PAK5: variants seen among roughly 807,000 people sequenced by gnomAD.
PAK5 encodes serine/threonine-protein kinase PAK 5.
Under a neutral mutation model 65.9 loss-of-function variants are expected in PAK5, and 16 were observed. The ratio of observed to expected loss-of-function variants is 0.24; its 90% CI spans 0.16 to 0.37. PAK5 has a LOEUF of 0.37. PAK5 is among the 10% of genes least tolerant of loss of function. The pLI is 1.00. For synonymous variants in PAK5, 371 were observed against 354.9 expected, an observed-to-expected ratio of 1.05 and a Z score of -0.51; for missense variants, 785 against 903.9, an observed-to-expected ratio of 0.87 and a Z score of 1.69.
chr20:9,819,309 G>A (rs1468590973), intron 1 of PAK5, among the ~76,000 whole-genome samples: 2 of 152,150 alleles, frequency 1.3e-5, no homozygotes, highest in Non-Finnish European at 2.9e-5. Flanking sequence ...AGAAGCAGCA[G>A]TACAATGGCA....
rs770117085 is a variant in PAK5, at chr20:9,557,717, A to G, written c.1634T>C (p.Ile545Thr). Reference sequence around the variant, plus strand: ...CAGAACTGACAGGCAGACAGTAGCTATCTGTTCTTCATTCATTCTGGAAAG... The same window carrying G: ...CAGAACTGACAGGCAGACAGTAGCTGTCTGTTCTTCATTCATTCTGGAAAG... Reference protein sequence around the residue: ...VTHTRMNEEQIATVCLSVLRA... With the variant: ...VTHTRMNEEQTATVCLSVLRA... Residue 545 changes from isoleucine (I) to threonine (T), a missense_variant, in exon 7 of 10, where the codon ATA becomes ACA. Transcript: ENST00000353224. The G allele has an allele frequency of 1.2e-6, 2 of 1,611,106 alleles. No homozygotes were observed. Among genetic ancestry groups the G allele is most frequent in the Admixed American group, 3.3e-5 (2 of 59,944 alleles).
chr20:9,543,334 G>A (rs1482452958), intron 8 of PAK5, among the ~76,000 whole-genome samples: 1 of 152,048 alleles, frequency 6.6e-6, no homozygotes, highest in Non-Finnish European at 1.5e-5. Flanking sequence ...GTAAAGAATG[G>A]GAAGTCGAGA....
chr20:9,831,068 G>A (rs371279359), intron 1 of PAK5, among the ~76,000 whole-genome samples: 10 of 152,308 alleles, frequency 6.6e-5, no homozygotes, highest in African/African-American at 1.9e-4. Context: ...GGGTGTGGGG[G>A]AAGAACCCCA....
In PAK5 at chr20:9,539,082, TTC is replaced by T; in HGVS notation, c.*378_*379del. ...AGAAAAAAGTGCTTTTTGTTTTCCT[TTC>T]TTTCTTTTTTTTTTTTTTTTGCCAG... On this transcript the variant is annotated 3_prime_UTR_variant, in exon 10 of 10. Transcript: ENST00000353224. The T allele has an allele frequency of 4.4e-6, 1 of 225,638 alleles. No individual in the cohort carries two copies. Among genetic ancestry groups the T allele is most frequent in the Non-Finnish European group, 8.4e-6 (1 of 119,372 alleles). 14.0% of individuals were successfully genotyped at this position (225,638 alleles called of 1,614,324 possible). A position where few individuals can be genotyped will look rare whatever the true frequency, so the allele number is the denominator to read the frequency against.
chr20:9,607,773 A>G (rs6140984), intron 3 of PAK5, among the ~76,000 whole-genome samples: 1 of 152,046 alleles, frequency 6.6e-6, no homozygotes, highest in African/African-American at 2.4e-5. Context: ...CTACAGTGAG[A>G]TATGATCTTC....
chr20:9,549,537 ATATTTTAAAAACAGG>A (rs1199203109), intron 7 of PAK5, among the ~76,000 whole-genome samples: 6 of 152,148 alleles, frequency 3.9e-5, no homozygotes, highest in Admixed American at 1.3e-4. Flanking sequence ...AAATCTTGCA[ATATTTTAAAAACAGG>A]TGTAGACATG....
intron 1 of PAK5, among the ~76,000 whole-genome samples, chr20:9,788,942 C>G (rs2049021483): frequency 6.6e-6 from 1 of 152,136 alleles, no homozygotes; most frequent in South Asian, 2.1e-4. Context: ...CACACTAAGG[C>G]TATGCAGGTG....
At chr20:9,602,982 C>A (rs1424309420) in intron 3 of PAK5, among the ~76,000 whole-genome samples, 1 of 152,212 alleles carries the variant, frequency 6.6e-6, no homozygotes, top group East Asian at 1.9e-4. Flanking sequence ...ATGGTTTAGA[C>A]AGAGGTGGCT....
rs776208185 is a variant in PAK5 at position 9,557,646 on chromosome 20, T to C, written c.1705A>G (p.Ile569Val). The C allele has an allele frequency of 4.3e-6, 7 of 1,612,478 alleles. No individual in the cohort carries two copies. The East Asian group carries it at 6.7e-5, about 15-fold the overall frequency. Residue 569 changes from isoleucine (I) to valine (V), a missense_variant, in exon 7 of 10, where the codon ATA becomes GTA. Ile to Val is a conservative substitution (Grantham distance 29). Coordinates refer to ENST00000353224, the MANE Select transcript of PAK5 (RefSeq NM_177990.4). ...LHNQGVIHRDIKSDSILLTSD... is the reference protein window; with the variant it reads ...LHNQGVIHRDVKSDSILLTSD... ...GTCAGGAGGATGGAGTCACTTTTTA[T>C]GTCCCTGTGAATCACTCCTTGGTTA...
At chr20:9,640,136 A>T (rs1301396314) in intron 3 of PAK5, among the ~76,000 whole-genome samples, 2 of 151,618 alleles carry the variant, frequency 1.3e-5, no homozygotes, top group East Asian at 1.9e-4. Context: ...TACATGTGCC[A>T]TGTTGGTGTG....
intron 3 of PAK5, among the ~76,000 whole-genome samples, chr20:9,581,634 G>A (rs548446523): frequency 3.3e-5 from 5 of 152,094 alleles, no homozygotes; most frequent in South Asian, 2.1e-4. Flanking sequence ...TAACATCACC[G>A]CTGAATTTTG....
chr20:9,757,976 T>C (rs2048654880), intron 1 of PAK5, among the ~76,000 whole-genome samples: 1 of 152,112 alleles, frequency 6.6e-6, no homozygotes, highest in South Asian at 2.1e-4. Context: ...CAAAAGTAAA[T>C]ATGGATGTTT....
At chr20:9,699,510 T>A (rs1825249903) in intron 2 of PAK5, among the ~76,000 whole-genome samples, 1 of 150,066 alleles carries the variant, frequency 6.7e-6, no homozygotes, top group South Asian at 2.1e-4. Context: ...GAAAAAAAAA[T>A]ATTAAGCTTA....
chr20:9,641,961 T>C (rs2047073645), intron 3 of PAK5, among the ~76,000 whole-genome samples: 4 of 152,134 alleles, frequency 2.6e-5, no homozygotes, highest in South Asian at 2.1e-4. Flanking sequence ...GGTTCCCACT[T>C]GTGCCTCTCC....
chr20:9,538,397 A>G lies in PAK5; in HGVS notation c.*1065T>C, dbSNP rs2045203979. The G allele has an allele frequency of 4.3e-6, 1 of 233,640 alleles. No homozygotes were observed. The highest frequency in any genetic ancestry group is 6.0e-5 in the East Asian group (1 of 16,556). The allele number at this position is 233,640 out of a possible 1,614,324, so 14.5% of individuals were successfully genotyped here. A position where few individuals can be genotyped will look rare whatever the true frequency, so the allele number is the denominator to read the frequency against. Reference sequence around the variant, plus strand: ...AATATAGACAAGAGTTTGGTGTGCTAGCATACAGAGTTTTAAAAATGGTGA... The same window carrying G: ...AATATAGACAAGAGTTTGGTGTGCTGGCATACAGAGTTTTAAAAATGGTGA... On this transcript the variant is annotated 3_prime_UTR_variant, in exon 10 of 10. Transcript: ENST00000353224.
At chr20:9,740,771 T>C (rs1458514735) in intron 1 of PAK5, among the ~76,000 whole-genome samples, 1 of 152,210 alleles carries the variant, frequency 6.6e-6, no homozygotes, top group Admixed American at 6.5e-5. Flanking sequence ...GCCAAGATCA[T>C]AAGAGCTGAT....
intron 3 of PAK5, among the ~76,000 whole-genome samples, chr20:9,641,584 C>G (rs189943416): frequency 1.3e-5 from 2 of 151,950 alleles, no homozygotes; most frequent in African/African-American, 2.4e-5. Flanking sequence ...CTGTGCGGTG[C>G]GCTCACATTC....
intron 9 of PAK5, among the ~76,000 whole-genome samples, chr20:9,540,397 G>T (rs1403387938): frequency 6.6e-6 from 1 of 152,084 alleles, no homozygotes; most frequent in Admixed American, 6.6e-5. Context: ...CCTGCAAAAG[G>T]TCACCACTAT....
At chr20:9,601,742 C>A (rs115665247) in intron 3 of PAK5, among the ~76,000 whole-genome samples, 241 of 152,092 alleles carry the variant, frequency 1.6e-3, no homozygotes, top group African/African-American at 5.7e-3. Context: ...TTATATATAT[C>A]GACTGGTTCC....
Sources: gnomAD v4.1 joint callset for allele counts (sites outside exome capture counted in the v4.1 genomes callset) on GRCh38, gnomAD v4.1.1 for gene constraint, MANE v1.5 for transcripts, NCBI Gene and HGNC (gene_info 2026-07-23, HGNC 2026-07-21) for gene names.